Variants in FAM171A1 observed in about 807,000 individuals in gnomAD.
The protein encoded by FAM171A1 is family with sequence similarity 171 member A1.
A neutral mutation model predicts 74.9 loss-of-function variants in FAM171A1; 23 were observed. The ratio of observed to expected loss-of-function variants is 0.31; its 90% CI spans 0.22 to 0.44. The LOEUF (loss-of-function observed/expected upper bound fraction) is 0.44. Among genes scored for constraint, FAM171A1 ranks in the 20% least tolerant of loss-of-function variants. The pLI, the probability that FAM171A1 is intolerant of heterozygous loss-of-function variation, is 1.00. For synonymous variants in FAM171A1, 527 were observed against 505.7 expected, an observed-to-expected ratio of 1.04 and a Z score of -0.57; for missense variants, 1,162 against 1,159.2, an observed-to-expected ratio of 1.00 and a Z score of -0.03.
chr10:15,248,895 C>T (rs559592276), intron 4 of FAM171A1, 80 bp from the exon 5 acceptor site: 7 of 1,340,476 alleles, frequency 5.2e-6, no homozygotes, highest in South Asian at 1.5e-5. Flanking sequence ...AAAAAATAGT[C>T]GCAGCTACCA....
intron 1 of FAM171A1, among the ~76,000 whole-genome samples, chr10:15,340,365 C>G (rs1265028395): frequency 6.6e-6 from 1 of 152,108 alleles, no homozygotes; most frequent in Non-Finnish European, 1.5e-5. Flanking sequence ...AGTCACAGGC[C>G]TCCCTCTGCC....
chr10:15,220,554 A>C (rs1834024418), intron 6 of FAM171A1, among the ~76,000 whole-genome samples: 1 of 152,128 alleles, frequency 6.6e-6, no homozygotes, highest in African/African-American at 2.4e-5. Context: ...TTTTGCCCCC[A>C]GTGGTGACTT....
chr10:15,335,614 G>T (rs1028744957), intron 1 of FAM171A1, among the ~76,000 whole-genome samples: 1 of 152,260 alleles, frequency 6.6e-6, no homozygotes. Context: ...CAATAATGTC[G>T]AGATTTGACA....
intron 7 of FAM171A1, among the ~76,000 whole-genome samples, chr10:15,215,723 G>C (rs1013714730): frequency 2.6e-5 from 4 of 152,012 alleles, no homozygotes; most frequent in African/African-American, 9.7e-5. Flanking sequence ...CAGCGTTCAG[G>C]AATACTCTGA....
Position 15,322,114 on chromosome 10 carries a change from A to C in FAM171A1, c.98-38009T>G, listed in dbSNP as rs183666587. On this transcript the variant is annotated intron_variant, in intron 1 of 7. Transcript: ENST00000378116. ...AGGCCCGATACAAGCATGGGTTATT[A>C]TATCTTTTAAACCCTTTGCAGAGAT... Among the ~76,000 whole-genome samples the C allele has an allele frequency of 8.1e-4, 123 of 152,324 alleles. No homozygotes were observed. In the East Asian group the frequency reaches 0.021, roughly 26 times the overall value.
chr10:15,247,846 A>G (rs1014138058), intron 5 of FAM171A1, among the ~76,000 whole-genome samples: 2 of 152,174 alleles, frequency 1.3e-5, no homozygotes, highest in Admixed American at 6.5e-5. Flanking sequence ...AAGCAGCTCT[A>G]TGGAGGGTCC....
intron 3 of FAM171A1, among the ~76,000 whole-genome samples, chr10:15,265,393 C>G (rs1454376477): frequency 6.6e-6 from 1 of 151,464 alleles, no homozygotes; most frequent in Non-Finnish European, 1.5e-5. Flanking sequence ...GTAGGAGGAT[C>G]TTTGAGCGCA....
rs796631305 is a variant in FAM171A1, at chr10:15,303,189, C to CA, written c.98-19085dup. 1.6e-4 allele frequency among the ~76,000 whole-genome samples: 24 copies of CA among 149,898 alleles called. No individual in the cohort carries two copies. In the East Asian group the frequency reaches 2.1e-3, roughly 13 times the overall value. ...GGGCGACAAAAGCAAAGCTCCATCT[C>CA]AAAAAAAAAGTCCTGATTTACCTCA... On this transcript the variant is annotated intron_variant, in intron 1 of 7. Coordinates refer to ENST00000378116, the MANE Select transcript of FAM171A1 (RefSeq NM_001010924.2).
intron 1 of FAM171A1, among the ~76,000 whole-genome samples, chr10:15,319,358 A>G (rs559848624): frequency 1.7e-4 from 26 of 152,262 alleles, no homozygotes; most frequent in Non-Finnish European, 3.4e-4. Context: ...AAAAGATACA[A>G]TGGACTTTGG....
At chr10:15,314,477 G>A (rs1469575007) in intron 1 of FAM171A1, among the ~76,000 whole-genome samples, 1 of 152,084 alleles carries the variant, frequency 6.6e-6, no homozygotes, top group Non-Finnish European at 1.5e-5. Context: ...ATTGTATAAG[G>A]AACATGGGTT....
At chr10:15,225,792 C>A (rs1238303456) in intron 5 of FAM171A1, among the ~76,000 whole-genome samples, 1 of 152,126 alleles carries the variant, frequency 6.6e-6, no homozygotes, top group Non-Finnish European at 1.5e-5. Context: ...TCCTGCTGCA[C>A]GAACCAAAGA....
intron 1 of FAM171A1, among the ~76,000 whole-genome samples, chr10:15,323,494 A>G (rs1835512917): frequency 6.6e-6 from 1 of 152,132 alleles, no homozygotes; most frequent in African/African-American, 2.4e-5. Context: ...AAAACAAAAT[A>G]AAGTACACCT....
At chr10:15,353,184 A>G (rs956019340) in intron 1 of FAM171A1, among the ~76,000 whole-genome samples, 19 of 152,212 alleles carry the variant, frequency 1.2e-4, no homozygotes, top group African/African-American at 4.6e-4. Flanking sequence ...GAAGAGGGTG[A>G]GAAGTGAAAA....
chr10:15,327,216 G>C (rs2131854241), intron 1 of FAM171A1, among the ~76,000 whole-genome samples: 1 of 152,264 alleles, frequency 6.6e-6, no homozygotes, highest in Admixed American at 6.5e-5. Context: ...GTGTAAGCTT[G>C]AGCAAGAGCA....
intron 1 of FAM171A1, among the ~76,000 whole-genome samples, chr10:15,369,938 G>C (rs145763562): frequency 2.7e-3 from 406 of 152,364 alleles, no homozygotes; most frequent in Middle Eastern, 6.8e-3. Context: ...CCCCCGGCAA[G>C]AGTCCAGGCA....
At chr10:15,263,889 AT>A (rs1834701567) in intron 3 of FAM171A1, among the ~76,000 whole-genome samples, 1 of 148,256 alleles carries the variant, frequency 6.7e-6, no homozygotes, top group Non-Finnish European at 1.5e-5. Context: ...CTATCTATCT[AT>A]CTATCTATCT....
intron 3 of FAM171A1, among the ~76,000 whole-genome samples, chr10:15,257,399 C>T (rs1376657171): frequency 1.3e-5 from 2 of 152,130 alleles, no homozygotes; most frequent in African/African-American, 4.8e-5. Context: ...GGCCTGGGAC[C>T]CAGAGAACCA....
intron 1 of FAM171A1, among the ~76,000 whole-genome samples, chr10:15,317,042 T>C (rs1173515705): frequency 2.0e-5 from 3 of 148,604 alleles, no homozygotes; most frequent in African/African-American, 7.5e-5. Flanking sequence ...AGATCTCCTC[T>C]GGGAGAAAAA....
At chr10:15,216,225 G>C in intron 6 of FAM171A1, 115 bp from the exon 7 acceptor site, 1 of 615,970 alleles carries the variant, frequency 1.6e-6, no homozygotes, top group Non-Finnish European at 2.7e-6. Flanking sequence ...GCATAGAGCA[G>C]TGGCCAGAGG....
Sources: allele counts gnomAD v4.1 joint callset (sites outside exome capture counted in the v4.1 genomes callset), GRCh38; gene constraint gnomAD v4.1.1; transcripts MANE v1.5; gene names NCBI Gene and HGNC (gene_info 2026-07-23, HGNC 2026-07-21).